LRRIQ1: variants seen among roughly 807,000 people sequenced by gnomAD.
LRRIQ1 encodes the protein leucine rich repeats and IQ motif containing 1.
A neutral mutation model predicts 211.9 loss-of-function variants in LRRIQ1; 210 were observed. The observed-to-expected ratio is 0.99, with a 90% CI of 0.89 to 1.11. The LOEUF is 1.11. LRRIQ1 is among the 50% of genes most tolerant of loss of function. The pLI is 0.00. For synonymous variants in LRRIQ1, 699 were observed against 650.1 expected (o/e 1.08, Z -1.14); for missense variants, 2,136 against 1,939.5 (o/e 1.10, Z -1.90).
In LRRIQ1 at chr12:85,153,971, G is replaced by A. The variant is rs60165614; in HGVS notation, c.4638-41G>A. ...TTATATGCATATCTAAATATGATCCGGGTATTTGTTTTACCTTTATTATAT... is the reference window on the plus strand; with the variant it reads ...TTATATGCATATCTAAATATGATCCAGGTATTTGTTTTACCTTTATTATAT... On this transcript the variant is annotated intron_variant, in intron 22 of 26. Coordinates refer to ENST00000393217, the MANE Select transcript of LRRIQ1 (RefSeq NM_001079910.2). 0.24 allele frequency: 307,011 copies of A among 1,280,766 alleles called. 39,727 individuals carry two copies. Among genetic ancestry groups the A allele is most frequent in the African/African-American group, 0.45 (28,660 of 64,224 alleles). 79.3% of individuals were successfully genotyped at this position (1,280,766 alleles called of 1,614,324 possible).
At chr12:85,123,533 A>G (rs1348455435) in intron 16 of LRRIQ1, among the ~76,000 whole-genome samples, 1 of 152,144 alleles carries the variant, frequency 6.6e-6, no homozygotes, top group African/African-American at 2.4e-5. Flanking sequence ...AAATCCAATC[A>G]TTGTTCAAGA....
chr12:85,247,153 A>T (rs2137286195), downstream of LRRIQ1, among the ~76,000 whole-genome samples: 1 of 151,670 alleles, frequency 6.6e-6, no homozygotes, highest in South Asian at 2.1e-4. Context: ...CTTATAAAAA[A>T]CCTACTCTTA....
chr12:85,044,647 AG>A (rs1565781036), intron 3 of LRRIQ1, 70 bp from the exon 4 acceptor site: 1 of 695,314 alleles, frequency 1.4e-6, no homozygotes, highest in Admixed American at 2.6e-5. Context: ...AAATTAAGAA[AG>A]GGTTTGAAAT....
chr12:85,231,397 TCTTA>T (rs1450174992), intron 25 of LRRIQ1, among the ~76,000 whole-genome samples: 2 of 152,240 alleles, frequency 1.3e-5, no homozygotes, highest in Non-Finnish European at 2.9e-5. Context: ...AGAATTTTTA[TCTTA>T]CTAAGTATTC....
chr12:85,198,126 T>C (rs1395839615), intron 24 of LRRIQ1, among the ~76,000 whole-genome samples: 1 of 122,212 alleles, frequency 8.2e-6, no homozygotes, highest in Non-Finnish European at 1.6e-5. Context: ...ATATATAATA[T>C]ATATTATATA....
chr12:85,265,877 A>G (rs1896407316), downstream of LRRIQ1, among the ~76,000 whole-genome samples: 1 of 152,088 alleles, frequency 6.6e-6, no homozygotes. Flanking sequence ...AAAATAATAT[A>G]GAAAGGGTGT....
At chr12:85,185,370 T>C (rs536408898) in intron 24 of LRRIQ1, among the ~76,000 whole-genome samples, 1 of 151,890 alleles carries the variant, frequency 6.6e-6, no homozygotes, top group African/African-American at 2.4e-5. Flanking sequence ...GAAATATAAA[T>C]TAATATAAAA....
chr12:85,190,958 A>G (rs1474814302), intron 24 of LRRIQ1, among the ~76,000 whole-genome samples: 1 of 151,994 alleles, frequency 6.6e-6, no homozygotes, highest in Non-Finnish European at 1.5e-5. Flanking sequence ...TGTTTCTGGC[A>G]GTGTGGTGAG....
chr12:85,225,937 T>A (rs1380586763), intron 24 of LRRIQ1, among the ~76,000 whole-genome samples: 1 of 152,192 alleles, frequency 6.6e-6, no homozygotes, highest in Non-Finnish European at 1.5e-5. Flanking sequence ...CTCTAACATT[T>A]GAATTGCAGT....
chr12:85,054,894 G>A (rs1018385499), intron 7 of LRRIQ1, among the ~76,000 whole-genome samples: 4 of 151,854 alleles, frequency 2.6e-5, no homozygotes, highest in Non-Finnish European at 5.9e-5. Context: ...TTAGATATTT[G>A]CTCAATTTTG....
At chr12:85,271,052 G>A in the LRRIQ1 span, among the ~76,000 whole-genome samples, 1 of 152,164 alleles carries the variant, frequency 6.6e-6, no homozygotes, top group Non-Finnish European at 1.5e-5. Flanking sequence ...TCTAAGTTTA[G>A]TCTTTAATTT....
At chr12:85,195,287 A>G (rs1892835929) in intron 24 of LRRIQ1, among the ~76,000 whole-genome samples, 1 of 151,998 alleles carries the variant, frequency 6.6e-6, no homozygotes, top group South Asian at 2.1e-4. Context: ...TATTCCAATC[A>G]ATAGAAAAAG....
At chr12:85,177,485 G>C (rs543685828) in intron 24 of LRRIQ1, among the ~76,000 whole-genome samples, 5 of 152,076 alleles carry the variant, frequency 3.3e-5, no homozygotes, top group African/African-American at 1.2e-4. Flanking sequence ...CTAGGCAAGC[G>C]GGGGAGGTTG....
In LRRIQ1 at chr12:85,154,228, A is replaced by C. The variant is rs1345593324; in HGVS notation, c.4720+134A>C. The C allele has an allele frequency of 7.7e-6, 3 of 387,582 alleles. No individual in the cohort carries two copies. The East Asian group carries it at 1.3e-4, about 17-fold the overall frequency. The allele number at this position is 387,582 out of a possible 1,614,324, so 24.0% of individuals were successfully genotyped here. A position where few individuals can be genotyped will look rare whatever the true frequency, so the allele number is the denominator to read the frequency against. On this transcript the variant is annotated intron_variant, in intron 23 of 26. Coordinates refer to ENST00000393217, the MANE Select transcript of LRRIQ1 (RefSeq NM_001079910.2). ...AGATGACTATGTCTAAGATACTCTG[A>C]AAAAAAATAAAACTTAAGAGAAAAT...
intron 15 of LRRIQ1, among the ~76,000 whole-genome samples, chr12:85,109,807 C>T (rs1858332509): frequency 6.6e-6 from 1 of 152,116 alleles, no homozygotes; most frequent in African/African-American, 2.4e-5. Context: ...CTACCCCATA[C>T]TGTGTGATCC....
intron 21 of LRRIQ1, 136 bp from the exon 22 acceptor site, chr12:85,153,527 T>C (rs1442376380): frequency 3.1e-6 from 2 of 644,836 alleles, no homozygotes; most frequent in Non-Finnish European, 2.7e-6. Context: ...CAGACTTTTA[T>C]TGCCTTTCAA....
intron 24 of LRRIQ1, among the ~76,000 whole-genome samples, chr12:85,210,060 G>T (rs913713474): frequency 6.6e-6 from 1 of 151,996 alleles, no homozygotes; most frequent in Non-Finnish European, 1.5e-5. Context: ...TCTTGTGGAA[G>T]ACTTTTAGAA....
rs767133499 is a variant in LRRIQ1, at chr12:85,229,531, C to A, written c.4837C>A (p.Pro1613Thr). 1.2e-6 allele frequency: 2 copies of A among 1,609,464 alleles called. No homozygotes were observed. The highest frequency in any genetic ancestry group is 1.1e-5 in the South Asian group (1 of 90,378). ...DGYFEGIEED[P>T]IHKDTTANEK... Reference sequence around the variant, plus strand: ...TTCTTTCACAGGTATAGAAGAAGACCCTATCCACAAAGATACCACTGCAAA... The same window carrying A: ...TTCTTTCACAGGTATAGAAGAAGACACTATCCACAAAGATACCACTGCAAA... The change falls in exon 25 of 27, where the codon CCT becomes ACT. Residue 1613 changes from proline to threonine, a missense_variant. Coordinates refer to ENST00000393217, the MANE Select transcript of LRRIQ1 (RefSeq NM_001079910.2).
At position 85,065,085 on chromosome 12, in the gene LRRIQ1, G is replaced by A. The variant is rs139560996; in HGVS notation, c.2392-177G>A. ...TGATTGCAATATTTTGTCCTTGTAT[G>A]TGGGGAACAAAAGAGGCCAGATAGC... On this transcript the variant is annotated intron_variant, in intron 8 of 26. Coordinates refer to ENST00000393217, the MANE Select transcript of LRRIQ1 (RefSeq NM_001079910.2). 1.1e-3 allele frequency among the ~76,000 whole-genome samples: 174 copies of A among 151,956 alleles called. 5 individuals are homozygous for A. In the East Asian group the frequency reaches 0.028, roughly 24 times the overall value.
Sources: gnomAD v4.1 joint callset for allele counts (sites outside exome capture counted in the v4.1 genomes callset) on GRCh38, gnomAD v4.1.1 for gene constraint, MANE v1.5 for transcripts, NCBI Gene and HGNC (gene_info 2026-07-23, HGNC 2026-07-21) for gene names.